Variants in RGS22 observed in about 807,000 individuals in gnomAD.
RGS22 encodes regulator of G-protein signaling 22.
A neutral mutation model predicts 172.9 loss-of-function variants in RGS22; 148 were observed. The observed-to-expected ratio is 0.86, with a 90% CI of 0.75 to 0.98. The LOEUF is 0.98. Among genes scored for constraint, RGS22 ranks in the 50% least tolerant of loss-of-function variants. The pLI is 0.00. For synonymous variants in RGS22, 458 were observed against 480.2 expected (o/e 0.95, Z 0.60); for missense variants, 1,347 against 1,440.8 (o/e 0.93, Z 1.05).
intron 14 of RGS22, among the ~76,000 whole-genome samples, chr8:100,036,554 G>A (rs1819497306): frequency 6.6e-6 from 1 of 152,096 alleles, no homozygotes; most frequent in African/African-American, 2.4e-5. Flanking sequence ...CCTAGCACAC[G>A]AATTGGCAGA....
intron 23 of RGS22, among the ~76,000 whole-genome samples, chr8:99,970,997 A>G (rs1811278963): frequency 1.3e-5 from 2 of 152,324 alleles, no homozygotes; most frequent in Admixed American, 1.3e-4. Flanking sequence ...TTGCAAACTG[A>G]ATCCAGCAGT....
At chr8:100,000,298 A>T (rs978208683) in intron 18 of RGS22, among the ~76,000 whole-genome samples, 2 of 152,208 alleles carry the variant, frequency 1.3e-5, no homozygotes, top group Admixed American at 6.5e-5. Context: ...TTTTATATAA[A>T]AACAAAAAGG....
At chr8:100,057,755 G>T (rs1809760879) in intron 9 of RGS22, among the ~76,000 whole-genome samples, 1 of 152,032 alleles carries the variant, frequency 6.6e-6, no homozygotes. Flanking sequence ...TCAGTCTCAG[G>T]CATGTCTTTA....
chr8:100,088,640 C>A (rs1812333924), intron 3 of RGS22, among the ~76,000 whole-genome samples: 1 of 152,134 alleles, frequency 6.6e-6, no homozygotes, highest in South Asian at 2.1e-4. Flanking sequence ...ATAGCAGCAA[C>A]TGTCCTGAAT....
chr8:99,995,508 A>G (rs1814266878), intron 20 of RGS22, among the ~76,000 whole-genome samples: 1 of 152,240 alleles, frequency 6.6e-6, no homozygotes, highest in Admixed American at 6.5e-5. Context: ...AGACATGAAA[A>G]TATGCTCATC....
At chr8:100,038,833 TGCCTGCGA>T in intron 14 of RGS22, 90 bp downstream of exon 14, 1 of 560,564 alleles carries the variant, frequency 1.8e-6, no homozygotes, top group Middle Eastern at 2.8e-4. Context: ...GCTGCCTTTT[TGCCTGCGA>T]TCCCAGATTT....
At chr8:99,997,339 C>A (rs1176021211) in intron 19 of RGS22, among the ~76,000 whole-genome samples, 1 of 152,102 alleles carries the variant, frequency 6.6e-6, no homozygotes, top group African/African-American at 2.4e-5. Flanking sequence ...AATGAGGAAA[C>A]GTGGTAAATA....
Position 99,965,344 on chromosome 8 carries a change from A to G in RGS22, c.3606T>C (p.Tyr1202=), listed in dbSNP as rs751665778. Residue 1202 remains tyrosine (Y), a synonymous_variant, in exon 24 of 28, where the codon TAT becomes TAC. Transcript: ENST00000360863. ...LSDSFLGLQP[Y]GRQPTWCYSK... ...CATCTTGCATGCTTACCTGTCGGCC[A>G]TATGGTTGGAGGCCTAGGAAGGAAT... is the stretch of plus-strand genomic sequence containing the variant. 4.3e-6 allele frequency: 7 copies of G among 1,612,258 alleles called. No homozygotes were observed. The highest frequency in any genetic ancestry group is 2.2e-5 in the South Asian group (2 of 90,988).
Position 100,008,322 on chromosome 8 carries a change from G to C in RGS22, c.2361+53C>G, listed in dbSNP as rs1815963329. 4 of 1,531,704 alleles carry C rather than the reference G, an allele frequency of 2.6e-6. No homozygotes were observed. The East Asian group carries it at 9.0e-5, about 35-fold the overall frequency. The allele number at this position is 1,531,704 out of a possible 1,614,324, so 94.9% of individuals were successfully genotyped here. A position where few individuals can be genotyped will look rare whatever the true frequency, so the allele number is the denominator to read the frequency against. On this transcript the variant is annotated intron_variant, in intron 15 of 27. Coordinates refer to ENST00000360863, the MANE Select transcript of RGS22 (RefSeq NM_015668.5). ...CAAAGTGCTGGGATAACAGGCGTCA[G>C]TATTGTAGTAAACCTGAATGGTTTC...
chr8:100,048,996 AT>A (rs1284233975), intron 10 of RGS22, among the ~76,000 whole-genome samples: 2 of 152,190 alleles, frequency 1.3e-5, no homozygotes, highest in Non-Finnish European at 2.9e-5. Context: ...TACCACAATA[AT>A]TTTTTAAGTT....
chr8:100,089,317 T>G (rs533123416), intron 3 of RGS22, among the ~76,000 whole-genome samples: 1 of 152,248 alleles, frequency 6.6e-6, no homozygotes, highest in South Asian at 2.1e-4. Flanking sequence ...ATTTAATTGT[T>G]AGAAAACAAA....
intron 12 of RGS22, among the ~76,000 whole-genome samples, chr8:100,041,360 G>A (rs1206892622): frequency 6.6e-6 from 1 of 152,036 alleles, no homozygotes; most frequent in African/African-American, 2.4e-5. Flanking sequence ...GCGTGGTGGT[G>A]TGCGCCTGTA....
At chr8:100,062,804 A>C (rs1441628698) in intron 8 of RGS22, 52 bp from the exon 9 acceptor site, 1 of 1,384,864 alleles carries the variant, frequency 7.2e-7, no homozygotes, top group Non-Finnish European at 1.0e-6. Context: ...TAGAATATTC[A>C]ACTACCAAAA....
At chr8:99,994,518 C>T (rs1244280666) in intron 20 of RGS22, among the ~76,000 whole-genome samples, 1 of 152,218 alleles carries the variant, frequency 6.6e-6, no homozygotes, top group Non-Finnish European at 1.5e-5. Context: ...TTCACAATTG[C>T]TACACAGAGA....
At position 100,062,830 on chromosome 8, in the gene RGS22, A is replaced by C. The variant is rs1810253586; in HGVS notation, c.1353-78T>G. On this transcript the variant is annotated intron_variant, in intron 8 of 27. Coordinates refer to ENST00000360863, the MANE Select transcript of RGS22 (RefSeq NM_015668.5). ...ACTACCAAAATGTAGTTGAATATTC[A>C]GGAGAATAAACACAAGTTAAAGACT... is the stretch of plus-strand genomic sequence containing the variant. The C allele has an allele frequency of 2.6e-6, 3 of 1,164,228 alleles. No individual in the cohort carries two copies. In the South Asian group the frequency reaches 4.1e-5, roughly 16 times the overall value. 72.1% of individuals were successfully genotyped at this position (1,164,228 alleles called of 1,614,324 possible). A position where few individuals can be genotyped will look rare whatever the true frequency, so the allele number is the denominator to read the frequency against.
At chr8:100,052,097 T>A (rs1233685122) in intron 10 of RGS22, among the ~76,000 whole-genome samples, 45 of 59,764 alleles carry the variant, frequency 7.5e-4, no homozygotes, top group Non-Finnish European at 1.2e-3. Context: ...ATTTATATAT[T>A]TATATATAAA....
chr8:100,013,706 T>C (rs936348025), intron 14 of RGS22, among the ~76,000 whole-genome samples: 10 of 152,156 alleles, frequency 6.6e-5, no homozygotes, highest in Non-Finnish European at 1.3e-4. Flanking sequence ...GACCATACTT[T>C]TCATCTATTT....
intron 14 of RGS22, among the ~76,000 whole-genome samples, chr8:100,020,358 T>C (rs1322879012): frequency 6.6e-6 from 1 of 152,192 alleles, no homozygotes; most frequent in Non-Finnish European, 1.5e-5. Context: ...GCTACTGAAA[T>C]ATACAAAGCT....
intron 14 of RGS22, among the ~76,000 whole-genome samples, chr8:100,036,645 C>T (rs1003706736): frequency 1.3e-5 from 2 of 152,208 alleles, no homozygotes; most frequent in African/African-American, 2.4e-5. Flanking sequence ...GCCACCCAGA[C>T]TGGAGAGTGG....
Sources: allele counts gnomAD v4.1 joint callset (sites outside exome capture counted in the v4.1 genomes callset), GRCh38; gene constraint gnomAD v4.1.1; transcripts MANE v1.5; gene names NCBI Gene and HGNC (gene_info 2026-07-23, HGNC 2026-07-21).